Variants in ZNF718 observed in about 807,000 individuals in gnomAD.
ZNF718 encodes zinc finger protein 718.
In ZNF718, 3 loss-of-function variants were observed where a neutral mutation model predicts 2.6. The observed-to-expected ratio is 1.16, with a 90% confidence interval of 0.53 to 3.01. The LOEUF (loss-of-function observed/expected upper bound fraction) is 3.01. Among genes scored for constraint, ZNF718 ranks in the 30% most tolerant of loss-of-function variants. The pLI, the probability that ZNF718 is intolerant of heterozygous loss-of-function variation, is 0.03. For missense variants in ZNF718, 468 were observed against 230.0 expected (o/e 2.03, Z -6.69); for synonymous variants, 135 against 77.9 (o/e 1.73, Z -3.86).
intron 3 of ZNF718, among the ~76,000 whole-genome samples, chr4:183,410 G>A (rs1318775665): frequency 1.3e-5 from 2 of 152,204 alleles, no homozygotes; most frequent in African/African-American, 4.8e-5. Context: ...TAGCCCTGGA[G>A]TATAGTTTCA....
chr4:140,007 G>C (rs542836268), intron 3 of ZNF718, among the ~76,000 whole-genome samples: 2 of 152,078 alleles, frequency 1.3e-5, no homozygotes, highest in South Asian at 2.1e-4. Flanking sequence ...CTGCCCAGAA[G>C]GGGGAATGAC....
At chr4:190,152 C>T (rs951060279) in intron 3 of ZNF718, among the ~76,000 whole-genome samples, 64 of 152,050 alleles carry the variant, frequency 4.2e-4, no homozygotes, top group African/African-American at 1.4e-3. Context: ...TGTTCTAGGC[C>T]GGGTGCGGTG....
intron 3 of ZNF718, among the ~76,000 whole-genome samples, chr4:174,574 C>G (rs1717310673): frequency 6.6e-6 from 1 of 152,122 alleles, no homozygotes; most frequent in African/African-American, 2.4e-5. Context: ...CTAAGCCACT[C>G]TAGTTAATTA....
At chr4:175,431 C>A (rs1717327145) in intron 3 of ZNF718, among the ~76,000 whole-genome samples, 1 of 152,168 alleles carries the variant, frequency 6.6e-6, no homozygotes, top group African/African-American at 2.4e-5. Context: ...CTGTTGTGAG[C>A]CACTGGAGGA....
In ZNF718 at chr4:191,218, G is replaced by A. The variant is rs183458194; in HGVS notation, c.227-9863G>A. On this transcript the variant is annotated intron_variant and NMD_transcript_variant, in intron 3 of 4. Transcript: ENST00000642529. ...GGCTGGAGTGCGGTGGTGTCATCTC[G>A]GCTCACTGCAACCTCCGCTTCCGGG... Among the ~76,000 whole-genome samples the A allele has an allele frequency of 2.5e-3, 352 of 139,276 alleles. 1 individual carries two copies. Among genetic ancestry groups the A allele is most frequent in the African/African-American group, 8.8e-3 (323 of 36,750 alleles). The allele number at this position is 139,276 out of a possible 152,430, so 91.4% of individuals were successfully genotyped here.
chr4:158,741 G>A (rs1716687760), intron 3 of ZNF718, among the ~76,000 whole-genome samples: 1 of 151,384 alleles, frequency 6.6e-6, no homozygotes. Flanking sequence ...TCACATTTTG[G>A]AGAATAAAAT....
intron 1 of ZNF718, among the ~76,000 whole-genome samples, chr4:126,279 T>C (rs1438350733): frequency 1.3e-5 from 2 of 152,260 alleles, no homozygotes; most frequent in Non-Finnish European, 2.9e-5. Context: ...GATTTCTCTT[T>C]AGAGTGAGGG....
chr4:136,025 C>T (rs1184428758), intron 3 of ZNF718, among the ~76,000 whole-genome samples: 1 of 151,946 alleles, frequency 6.6e-6, no homozygotes, highest in Non-Finnish European at 1.5e-5. Context: ...TTGTTCTGTC[C>T]TCCTGCTGAT....
intron 1 of ZNF718, among the ~76,000 whole-genome samples, chr4:126,487 A>G (rs1240558922): frequency 2.0e-5 from 3 of 152,360 alleles, no homozygotes; most frequent in South Asian, 4.1e-4. Context: ...TATATCCCAC[A>G]GTTTCTGTAG....
At chr4:143,777 G>A (rs1458335070) in intron 3 of ZNF718, among the ~76,000 whole-genome samples, 2 of 152,102 alleles carry the variant, frequency 1.3e-5, no homozygotes, top group African/African-American at 2.4e-5. Context: ...AGTTCCAGGT[G>A]AAAACACACC....
intron 3 of ZNF718, among the ~76,000 whole-genome samples, chr4:177,885 A>G (rs1037730481): frequency 6.6e-6 from 1 of 152,092 alleles, no homozygotes; most frequent in African/African-American, 2.4e-5. Context: ...GCAGTTAGAC[A>G]TGAGCAGAAA....
intron 3 of ZNF718, among the ~76,000 whole-genome samples, chr4:173,168 T>C (rs1717274398): frequency 6.6e-6 from 1 of 152,166 alleles, no homozygotes; most frequent in African/African-American, 2.4e-5. Context: ...AACAACTTTT[T>C]TTTTCAACTG....
At position 162,755 on chromosome 4, in the gene ZNF718, A is replaced by G. The variant is rs1349346571; in HGVS notation, c.*633A>G. On this transcript the variant is annotated 3_prime_UTR_variant, in exon 4 of 4. Transcript: ENST00000510175. Reference sequence around the variant, plus strand: ...GGAAAGAAATTTTACAAATGTAATAAATTTGGAAAAGCATTTGTTCAAAAA... The same window carrying G: ...GGAAAGAAATTTTACAAATGTAATAGATTTGGAAAAGCATTTGTTCAAAAA... The G allele has an allele frequency of 6.6e-6, 1 of 152,220 alleles. No homozygotes were observed. The highest frequency in any genetic ancestry group is 1.5e-5 in the Non-Finnish European group (1 of 68,018). The allele number at this position is 152,220 out of a possible 1,614,324, so 9.4% of individuals were successfully genotyped here.
intron 1 of ZNF718, among the ~76,000 whole-genome samples, chr4:126,693 CT>C (rs559957048): frequency 8.0e-5 from 12 of 149,914 alleles, no homozygotes; most frequent in Non-Finnish European, 8.9e-5. Flanking sequence ...CTAATGGTGA[CT>C]TTTTTTCTGT....
intron 3 of ZNF718, among the ~76,000 whole-genome samples, chr4:199,995 T>C (rs1490797669): frequency 2.6e-5 from 4 of 152,200 alleles, no homozygotes; most frequent in Admixed American, 1.3e-4. Flanking sequence ...GAGAAAACAA[T>C]GGAAAAATTG....
At chr4:171,651 G>A (rs1261888818) in intron 3 of ZNF718, among the ~76,000 whole-genome samples, 1 of 152,274 alleles carries the variant, frequency 6.6e-6, no homozygotes, top group East Asian at 1.9e-4. Context: ...GCCAGGCATG[G>A]GATATAATCT....
At chr4:153,405 G>A (rs1716423019) in intron 3 of ZNF718, among the ~76,000 whole-genome samples, 2 of 152,140 alleles carry the variant, frequency 1.3e-5, no homozygotes, top group South Asian at 2.1e-4. Flanking sequence ...GGGGTCTTTG[G>A]TAGTTCCCTA....
chr4:166,087 G>T (rs1458954200), downstream of ZNF718, among the ~76,000 whole-genome samples: 1 of 152,106 alleles, frequency 6.6e-6, no homozygotes, highest in Non-Finnish European at 1.5e-5. Flanking sequence ...ACCTATGAGT[G>T]AGAACGTGCA....
chr4:141,973 A>G, intron 3 of ZNF718: 3 of 517,388 alleles, frequency 5.8e-6, no homozygotes, highest in South Asian at 4.2e-5. Context: ...ATTATGCTAC[A>G]GTATATTTCC....
Sources: allele counts gnomAD v4.1 joint callset (sites outside exome capture counted in the v4.1 genomes callset), GRCh38; gene constraint gnomAD v4.1.1; transcripts MANE v1.5; gene names NCBI Gene and HGNC (gene_info 2026-07-23, HGNC 2026-07-21).